The following GNG4 variants were observed in gnomAD, a reference collection of about 807,000 sequenced individuals.
The protein encoded by GNG4 is G protein subunit gamma 4.
A neutral mutation model predicts 5.8 loss-of-function variants in GNG4; 4 were observed. The ratio of observed to expected loss-of-function variants is 0.69; its 90% CI spans 0.34 to 1.57. The LOEUF (loss-of-function observed/expected upper bound fraction) is 1.57. GNG4 is among the 40% of genes most tolerant of loss of function. The probability of loss-of-function intolerance (pLI) is 0.06; values close to 1 mark genes in which losing one functional copy is unlikely to be tolerated. For missense variants in GNG4, 96 were observed against 95.1 expected (o/e 1.01, Z -0.04); for synonymous variants, 29 against 32.9 (o/e 0.88, Z 0.41).
At chr1:235,625,075 C>T (rs1190344276) in intron 1 of GNG4, among the ~76,000 whole-genome samples, 1 of 151,398 alleles carries the variant, frequency 6.6e-6, no homozygotes, top group Non-Finnish European at 1.5e-5. Context: ...GGTCAGGGCC[C>T]CAGCCTGGCA....
chr1:235,610,208 AC>A (rs2102968354), intron 1 of GNG4, among the ~76,000 whole-genome samples: 1 of 152,192 alleles, frequency 6.6e-6, no homozygotes, highest in African/African-American at 2.4e-5. Flanking sequence ...TTTGTAGAAC[AC>A]CCCTCAATTC....
intron 1 of GNG4, among the ~76,000 whole-genome samples, chr1:235,629,038 G>A (rs1688883408): frequency 7.1e-6 from 1 of 140,634 alleles, no homozygotes; most frequent in African/African-American, 2.9e-5. Context: ...TGTTTTTAGA[G>A]ATGGGGTCTC....
At chr1:235,604,309 A>G (rs1365231537) in intron 1 of GNG4, among the ~76,000 whole-genome samples, 2 of 152,236 alleles carry the variant, frequency 1.3e-5, no homozygotes, top group Non-Finnish European at 2.9e-5. Context: ...AGATCACCAC[A>G]CGGGGGACGA....
At chr1:235,558,542 C>T (rs911464613) in intron 3 of GNG4, among the ~76,000 whole-genome samples, 3 of 152,170 alleles carry the variant, frequency 2.0e-5, no homozygotes, top group Admixed American at 6.5e-5. Context: ...CTGCTCCTTC[C>T]GCTGAGAGGG....
intron 1 of GNG4, among the ~76,000 whole-genome samples, chr1:235,599,293 T>TGG (rs1688197339): frequency 1.3e-5 from 2 of 149,850 alleles, no homozygotes; most frequent in Non-Finnish European, 3.0e-5. Flanking sequence ...GCGGGTTTTT[T>TGG]TGTTGTCGTT....
intron 1 of GNG4, among the ~76,000 whole-genome samples, chr1:235,639,945 T>G (rs1048308062): frequency 6.6e-6 from 1 of 152,136 alleles, no homozygotes; most frequent in African/African-American, 2.4e-5. Flanking sequence ...GGACGGCTCA[T>G]GGGTGAAGGT....
chr1:235,606,729 G>A (rs920452216), intron 1 of GNG4, among the ~76,000 whole-genome samples: 41 of 152,182 alleles, frequency 2.7e-4, no homozygotes, highest in East Asian at 9.7e-4. Flanking sequence ...GGCTGAAGAC[G>A]GAGCTGAGCA....
At position 235,642,199 on chromosome 1, in the gene GNG4, C is replaced by T. The variant is rs78948943; in HGVS notation, c.-123+7463G>A. Among the ~76,000 whole-genome samples the T allele has an allele frequency of 0.052, 7,985 of 152,266 alleles. 711 individuals are homozygous for T. The highest frequency in any genetic ancestry group is 0.18 in the African/African-American group (7,574 of 41,514). ...CAGGGTGGAAGAACCCGAGCGAGGC[C>T]CGGCAGGGGCGGGGTGAGCCTTGGC... is the stretch of plus-strand genomic sequence containing the variant. On this transcript the variant is annotated intron_variant, in intron 1 of 3. Coordinates refer to ENST00000391854, the MANE Select transcript of GNG4 (RefSeq NM_001098722.2). This position sits in a 1 kb window ranked among gnomAD's most constrained non-coding sequence, Gnocchi z 4.3.
intron 3 of GNG4, among the ~76,000 whole-genome samples, chr1:235,581,410 T>C (rs1203942581): frequency 2.0e-5 from 3 of 151,352 alleles, no homozygotes; most frequent in Non-Finnish European, 4.4e-5. Flanking sequence ...GCGCCTGTAG[T>C]CCCAGCTACT....
chr1:235,578,975 T>C (rs1451809304), intron 3 of GNG4, among the ~76,000 whole-genome samples: 4 of 151,668 alleles, frequency 2.6e-5, no homozygotes, highest in African/African-American at 9.7e-5. Context: ...TGCACACTTG[T>C]AATCCCAGCT....
In GNG4 at chr1:235,575,132, CTT is replaced by C. The variant is rs774924526; in HGVS notation, c.99+8606_99+8607del. On this transcript the variant is annotated intron_variant, in intron 3 of 3. Transcript: ENST00000391854. ...GAGCCACTGCGCCTCGCCACAATCTCTTTTCTTTGATGTCAGTATCTTTCTGC... is the reference window on the plus strand; with the variant it reads ...GAGCCACTGCGCCTCGCCACAATCTCTTCTTTGATGTCAGTATCTTTCTGC... 6.6e-4 allele frequency among the ~76,000 whole-genome samples: 101 copies of C among 152,256 alleles called. 2 individuals are homozygous for C. Among genetic ancestry groups the C allele is most frequent in the Middle Eastern group, 3.4e-3 (1 of 294 alleles).
chr1:235,590,583 G>A (rs1200110354), intron 2 of GNG4, among the ~76,000 whole-genome samples: 3 of 152,180 alleles, frequency 2.0e-5, no homozygotes, highest in Admixed American at 6.6e-5. Context: ...CCTGCTCCAC[G>A]GTCTCTGCTC....
intron 1 of GNG4, among the ~76,000 whole-genome samples, chr1:235,603,834 T>C (rs1428951290): frequency 6.6e-6 from 1 of 152,190 alleles, no homozygotes; most frequent in Non-Finnish European, 1.5e-5. Flanking sequence ...CCTGTCACCT[T>C]ATCTGGTCCT....
At chr1:235,578,804 A>T (rs1034581463) in intron 3 of GNG4, among the ~76,000 whole-genome samples, 4 of 152,222 alleles carry the variant, frequency 2.6e-5, no homozygotes, top group Non-Finnish European at 5.9e-5. Context: ...GTCAAAGGAC[A>T]CAAAGTTTCA....
rs565466490 is a variant in GNG4, at chr1:235,602,925, G to A, written c.-122-7414C>T. On this transcript the variant is annotated intron_variant, in intron 1 of 3. Coordinates refer to ENST00000391854, the MANE Select transcript of GNG4 (RefSeq NM_001098722.2). ...ATCTTGGCATTCCCTCAAGAATAGA[G>A]GTCACGTTCGCTTCCACACAGGGAT... 2.0e-4 allele frequency among the ~76,000 whole-genome samples: 31 copies of A among 152,234 alleles called. No homozygotes were observed. In the South Asian group the frequency reaches 2.1e-3, roughly 10 times the overall value.
chr1:235,639,127 G>A (rs1657233279), intron 1 of GNG4, among the ~76,000 whole-genome samples: 1 of 152,128 alleles, frequency 6.6e-6, no homozygotes, highest in Non-Finnish European at 1.5e-5. Context: ...ACGACACTGG[G>A]CCTGCCAGGT....
rs897074739 is a variant in GNG4, at chr1:235,649,040, C to A, written c.-123+622G>T. On this transcript the variant is annotated intron_variant, in intron 1 of 3. Coordinates refer to ENST00000391854, the MANE Select transcript of GNG4 (RefSeq NM_001098722.2). The surrounding 1 kb of genome is among the most constrained non-coding windows in gnomAD (Gnocchi z 5.7). ...ACAAAGCTCCCCGGTTGCTGCCGGGCGCGCGCGGCGAACGAAGCACATTTC... is the reference window on the plus strand; with the variant it reads ...ACAAAGCTCCCCGGTTGCTGCCGGGAGCGCGCGGCGAACGAAGCACATTTC... Among the ~76,000 whole-genome samples the A allele has an allele frequency of 2.0e-5, 3 of 152,196 alleles. No individual in the cohort carries two copies. Among genetic ancestry groups the A allele is most frequent in the African/African-American group, 7.2e-5 (3 of 41,454 alleles).
intron 1 of GNG4, among the ~76,000 whole-genome samples, chr1:235,621,362 G>C (rs936473124): frequency 6.8e-6 from 1 of 146,674 alleles, no homozygotes; most frequent in African/African-American, 2.5e-5. Context: ...CTCAATCTTG[G>C]CTCACTGCAG....
At chr1:235,593,367 TCACGG>T (rs1688029159) in intron 2 of GNG4, among the ~76,000 whole-genome samples, 1 of 152,190 alleles carries the variant, frequency 6.6e-6, no homozygotes, top group African/African-American at 2.4e-5. Context: ...CTGACCTGAC[TCACGG>T]CACAGTACTT....
Sources: gnomAD v4.1 joint callset for allele counts (sites outside exome capture counted in the v4.1 genomes callset) on GRCh38, gnomAD v4.1.1 for gene constraint, Gnocchi (gnomAD v3.1) non-coding constraint, MANE v1.5 for transcripts, NCBI Gene and HGNC (gene_info 2026-07-23, HGNC 2026-07-21) for gene names.